The following BCKDHB variants were observed in gnomAD, a reference collection of about 807,000 sequenced individuals.
The protein encoded by BCKDHB is branched chain keto acid dehydrogenase E1 subunit beta, also known as 2-oxoisovalerate dehydrogenase subunit beta, mitochondrial.
Under a neutral mutation model 48.5 loss-of-function variants are expected in BCKDHB, and 41 were observed. The observed-to-expected ratio is 0.85, with a 90% CI of 0.66 to 1.10. The LOEUF is 1.10. Ranked by LOEUF, BCKDHB falls within the 50% of genes least tolerant of loss-of-function variation. The pLI, the probability that BCKDHB is intolerant of heterozygous loss-of-function variation, is 0.00. For missense variants in BCKDHB, 496 were observed against 494.2 expected, an observed-to-expected ratio of 1.00 and a Z score of -0.03; for synonymous variants, 201 against 174.8, an observed-to-expected ratio of 1.15 and a Z score of -1.18.
chr6:80,177,651 A>G (rs1244324016), intron 6 of BCKDHB, among the ~76,000 whole-genome samples: 1 of 152,156 alleles, frequency 6.6e-6, no homozygotes, highest in Admixed American at 6.5e-5. Flanking sequence ...GTGCAGTAGG[A>G]AATATTTCAG....
chr6:80,343,026 G>A (rs1304089489), intron 9 of BCKDHB, among the ~76,000 whole-genome samples: 1 of 152,142 alleles, frequency 6.6e-6, no homozygotes, highest in African/African-American at 2.4e-5. Context: ...TGTAGGGCTG[G>A]GGAGGTGCTG....
At chr6:80,250,454 CA>C (rs906418085) in intron 8 of BCKDHB, among the ~76,000 whole-genome samples, 2 of 152,106 alleles carry the variant, frequency 1.3e-5, no homozygotes, top group Non-Finnish European at 2.9e-5. Context: ...CCTACCTTCC[CA>C]AACCGTGATC....
chr6:80,257,153 C>T (rs2127944670), intron 8 of BCKDHB, among the ~76,000 whole-genome samples: 1 of 152,148 alleles, frequency 6.6e-6, no homozygotes, highest in South Asian at 2.1e-4. Flanking sequence ...AGCTGCTATG[C>T]ACTGATGCCC....
At position 80,168,618 on chromosome 6, in the gene BCKDHB, A is replaced by C. The variant is rs1463543297; in HGVS notation, c.478-257A>C. On this transcript the variant is annotated intron_variant, in intron 4 of 9. Transcript: ENST00000320393. ...AAAGGAAGGAAGAAAGGAAGGAAGG[A>C]GGGAGGGAGGGAGGGAGGGACGAGA... Among the ~76,000 whole-genome samples, 4 of 38,810 alleles carry C rather than the reference A, an allele frequency of 1.0e-4. No homozygotes were observed. In the South Asian group the frequency reaches 4.4e-3, roughly 43 times the overall value. 25.5% of individuals were successfully genotyped at this position (38,810 alleles called of 152,430 possible).
At chr6:80,445,347 T>C in the BCKDHB span, among the ~76,000 whole-genome samples, 216 of 152,274 alleles carry the variant, frequency 1.4e-3, 4 homozygotes, top group East Asian at 0.032. Context: ...ATCAAACCAT[T>C]GCTTCAGATA....
the BCKDHB span, among the ~76,000 whole-genome samples, chr6:80,420,269 G>A: frequency 1.8e-4 from 27 of 152,130 alleles, no homozygotes; most frequent in Admixed American, 3.3e-4. Flanking sequence ...ATTTGAAAAA[G>A]TATTCACCTC....
At chr6:80,362,067 G>T in the BCKDHB span, among the ~76,000 whole-genome samples, 1 of 152,126 alleles carries the variant, frequency 6.6e-6, no homozygotes, top group Non-Finnish European at 1.5e-5. Flanking sequence ...TTCAAAATGA[G>T]ATTCTGACCT....
chr6:80,151,852 C>T (rs760504359), intron 3 of BCKDHB, among the ~76,000 whole-genome samples: 80 of 152,094 alleles, frequency 5.3e-4, no homozygotes, highest in Non-Finnish European at 8.8e-4. Context: ...TGGTGAATGA[C>T]GCACAAGGGT....
At chr6:80,231,142 A>T (rs1037658180) in intron 8 of BCKDHB, among the ~76,000 whole-genome samples, 2 of 152,220 alleles carry the variant, frequency 1.3e-5, no homozygotes, top group Non-Finnish European at 2.9e-5. Context: ...CTTGGGAAGG[A>T]TAGTTTACTG....
chr6:80,230,026 GTTTTTTTTTTTTT>G (rs551632775), intron 8 of BCKDHB, among the ~76,000 whole-genome samples: 15 of 60,660 alleles, frequency 2.5e-4, no homozygotes, highest in South Asian at 5.8e-4. Context: ...TTTTTAGGTT[GTTTTTTTTTTTTT>G]TTTTTTTTTT....
chr6:80,381,482 T>G, the BCKDHB span, among the ~76,000 whole-genome samples: 50 of 152,224 alleles, frequency 3.3e-4, no homozygotes, highest in South Asian at 8.1e-3. Context: ...GTGACACAGT[T>G]TTTGTTTTTC....
chr6:80,385,911 G>A, the BCKDHB span, among the ~76,000 whole-genome samples: 1 of 152,138 alleles, frequency 6.6e-6, no homozygotes, highest in African/African-American at 2.4e-5. Context: ...CACTAAGTAG[G>A]GAATCTGCAT....
chr6:80,447,884 G>T, the BCKDHB span, among the ~76,000 whole-genome samples: 1 of 152,118 alleles, frequency 6.6e-6, no homozygotes, highest in Non-Finnish European at 1.5e-5. Context: ...AACAAGTTTG[G>T]TGAGTTAAAA....
intron 6 of BCKDHB, among the ~76,000 whole-genome samples, chr6:80,174,642 A>G (rs987496399): frequency 1.3e-5 from 2 of 152,204 alleles, no homozygotes; most frequent in Non-Finnish European, 2.9e-5. Flanking sequence ...AAGTATAAGT[A>G]AGGATACAAA....
chr6:80,174,279 T>G (rs1773049837), intron 6 of BCKDHB, among the ~76,000 whole-genome samples: 2 of 152,214 alleles, frequency 1.3e-5, no homozygotes, highest in African/African-American at 4.8e-5. Context: ...TTATTATAAA[T>G]ACTGGCTGAC....
intron 8 of BCKDHB, among the ~76,000 whole-genome samples, chr6:80,271,311 G>A (rs1051251406): frequency 6.6e-6 from 1 of 152,052 alleles, no homozygotes; most frequent in Non-Finnish European, 1.5e-5. Flanking sequence ...ATGCATATTG[G>A]TCTATTTAGT....
chr6:80,258,891 C>A (rs76531544), intron 8 of BCKDHB, among the ~76,000 whole-genome samples: 168 of 152,282 alleles, frequency 1.1e-3, no homozygotes, highest in African/African-American at 4.0e-3. Context: ...GACTCCCCCC[C>A]AGTTCTTTCT....
At chr6:80,166,699 T>G (rs1772589045) in intron 3 of BCKDHB, among the ~76,000 whole-genome samples, 1 of 152,156 alleles carries the variant, frequency 6.6e-6, no homozygotes, top group Non-Finnish European at 1.5e-5. Context: ...TTGAATGATC[T>G]TTTTATTGAT....
At chr6:80,452,715 TGTG>T in the BCKDHB span, among the ~76,000 whole-genome samples, 1 of 152,186 alleles carries the variant, frequency 6.6e-6, no homozygotes, top group Non-Finnish European at 1.5e-5. Flanking sequence ...TGTTGTAGGT[TGTG>T]GTGGGCATGG....
Sources: gnomAD v4.1 joint callset for allele counts (sites outside exome capture counted in the v4.1 genomes callset) on GRCh38, gnomAD v4.1.1 for gene constraint, MANE v1.5 for transcripts, NCBI Gene and HGNC (gene_info 2026-07-23, HGNC 2026-07-21) for gene names.